Variants in RNF150 observed in about 807,000 individuals in gnomAD.
RNF150 encodes ring finger protein 150.
RNF150 carries 24 observed loss-of-function variants against 39.3 expected under a neutral mutation model. That is an observed-to-expected ratio of 0.61 (90% CI 0.44 to 0.86). RNF150 has a LOEUF of 0.86. RNF150 is among the 40% of genes least tolerant of loss of function. The pLI is 0.00. For missense variants in RNF150, 502 were observed against 587.8 expected (o/e 0.85, Z 1.51); for synonymous variants, 255 against 227.3 (o/e 1.12, Z -1.10).
intron 1 of RNF150, among the ~76,000 whole-genome samples, chr4:141,130,456 C>T (rs1726864635): frequency 6.6e-6 from 1 of 152,078 alleles, no homozygotes; most frequent in Non-Finnish European, 1.5e-5. Flanking sequence ...TATTACTAAA[C>T]TTCCACTCCC....
intron 1 of RNF150, among the ~76,000 whole-genome samples, chr4:141,003,438 T>C (rs1347510609): frequency 6.6e-6 from 1 of 152,158 alleles, no homozygotes; most frequent in African/African-American, 2.4e-5. Context: ...GCATCAGGAA[T>C]GAGAAAGTAA....
chr4:141,124,368 G>A (rs1726697327), intron 1 of RNF150, among the ~76,000 whole-genome samples: 1 of 152,224 alleles, frequency 6.6e-6, no homozygotes, highest in Admixed American at 6.5e-5. Flanking sequence ...GCTGCCACTA[G>A]TTCAGGGAAG....
At chr4:140,949,454 C>A in intron 2 of RNF150, 82 bp from the exon 3 acceptor site, 1 of 1,168,106 alleles carries the variant, frequency 8.6e-7, no homozygotes, top group East Asian at 2.4e-5. Context: ...TACACCAGGG[C>A]AGCTAGCTCT....
intron 1 of RNF150, among the ~76,000 whole-genome samples, chr4:141,060,908 T>C (rs772665150): frequency 3.3e-5 from 5 of 152,140 alleles, no homozygotes; most frequent in African/African-American, 4.8e-5. Flanking sequence ...AAACACTGCA[T>C]GTTCTCACTC....
intron 1 of RNF150, among the ~76,000 whole-genome samples, chr4:141,081,936 C>G (rs1738165121): frequency 6.6e-6 from 1 of 152,196 alleles, no homozygotes. Flanking sequence ...CACTTATGCC[C>G]TAGGGCTCTC....
intron 1 of RNF150, among the ~76,000 whole-genome samples, chr4:141,034,213 T>C (rs1245007890): frequency 1.3e-5 from 2 of 152,222 alleles, no homozygotes; most frequent in Non-Finnish European, 2.9e-5. Context: ...TGCTTCACCT[T>C]GCATTTTTAT....
chr4:140,994,692 C>T (rs981312399), intron 1 of RNF150, among the ~76,000 whole-genome samples: 1 of 152,206 alleles, frequency 6.6e-6, no homozygotes, highest in African/African-American at 2.4e-5. Context: ...TGAGCACAGG[C>T]AGCACTGAAG....
At chr4:140,878,005 C>T (rs982649509) in intron 6 of RNF150, among the ~76,000 whole-genome samples, 6 of 152,162 alleles carry the variant, frequency 3.9e-5, no homozygotes, top group African/African-American at 1.4e-4. Flanking sequence ...AGACAGGTCA[C>T]TGTGGCTCCT....
At chr4:141,188,659 C>G (rs917082680) in intron 1 of RNF150, among the ~76,000 whole-genome samples, 1 of 152,088 alleles carries the variant, frequency 6.6e-6, no homozygotes, top group Non-Finnish European at 1.5e-5. Flanking sequence ...TACTTGTGTA[C>G]ACTTCACGAA....
At chr4:141,100,585 T>C (rs1738971500) in intron 1 of RNF150, among the ~76,000 whole-genome samples, 1 of 152,198 alleles carries the variant, frequency 6.6e-6, no homozygotes, top group African/African-American at 2.4e-5. Context: ...TAACATTTGC[T>C]CAGCCTCAAC....
At chr4:141,093,599 C>T (rs1364935273) in intron 1 of RNF150, among the ~76,000 whole-genome samples, 1 of 152,212 alleles carries the variant, frequency 6.6e-6, no homozygotes, top group Non-Finnish European at 1.5e-5. Flanking sequence ...TGGGGTAACC[C>T]ATAACACCTC....
In RNF150 at chr4:141,147,903, G is replaced by A. The variant is rs538546326; in HGVS notation, c.-6+64891C>T. ...AAAATCATCTACTCAGAAATATGAG[G>A]CGTAGAGAATAAGTTTTCTCCCAGG... On this transcript the variant is annotated intron_variant, in intron 1 of 7. Transcript: ENST00000420921. Among the ~76,000 whole-genome samples the A allele has an allele frequency of 2.6e-5, 4 of 152,242 alleles. No homozygotes were observed. The South Asian group carries it at 8.3e-4, about 32-fold the overall frequency.
At chr4:141,119,349 A>C (rs1031794210) in intron 1 of RNF150, among the ~76,000 whole-genome samples, 1 of 152,226 alleles carries the variant, frequency 6.6e-6, no homozygotes, top group African/African-American at 2.4e-5. Flanking sequence ...AGATTCATAC[A>C]ACACATCTAG....
intron 1 of RNF150, among the ~76,000 whole-genome samples, chr4:141,087,560 T>C (rs1738414253): frequency 6.6e-6 from 1 of 152,228 alleles, no homozygotes; most frequent in Non-Finnish European, 1.5e-5. Flanking sequence ...TTCAACATAA[T>C]GAAATCACAT....
chr4:141,065,153 CCA>C (rs1489987386), intron 1 of RNF150, among the ~76,000 whole-genome samples: 3 of 152,190 alleles, frequency 2.0e-5, no homozygotes, highest in South Asian at 2.1e-4. Context: ...ACATGAGCCA[CCA>C]CACCTGGCCC....
intron 1 of RNF150, among the ~76,000 whole-genome samples, chr4:141,086,664 C>T (rs1483820123): frequency 8.0e-5 from 12 of 150,736 alleles, no homozygotes; most frequent in South Asian, 2.1e-4. Context: ...ATGTTAATGC[C>T]CCCTCTTTGA....
At chr4:140,876,793 T>TAG (rs1729172328) in intron 6 of RNF150, among the ~76,000 whole-genome samples, 1 of 152,226 alleles carries the variant, frequency 6.6e-6, no homozygotes, top group Admixed American at 6.5e-5. Context: ...ATGTTGCTCT[T>TAG]ACAGACAAGA....
chr4:140,937,849 A>G (rs1319227896), intron 4 of RNF150, among the ~76,000 whole-genome samples: 1 of 152,186 alleles, frequency 6.6e-6, no homozygotes, highest in Non-Finnish European at 1.5e-5. Context: ...AAACAGCTAT[A>G]AATAGATTGA....
chr4:140,902,469 T>A (rs1730221761), intron 6 of RNF150, among the ~76,000 whole-genome samples: 1 of 152,246 alleles, frequency 6.6e-6, no homozygotes, highest in Non-Finnish European at 1.5e-5. Flanking sequence ...TTCACTGTAG[T>A]AAAAAGCACA....
Sources: gnomAD v4.1 joint callset for allele counts (sites outside exome capture counted in the v4.1 genomes callset) on GRCh38, gnomAD v4.1.1 for gene constraint, MANE v1.5 for transcripts, NCBI Gene and HGNC (gene_info 2026-07-23, HGNC 2026-07-21) for gene names.